CD8A: variants seen among roughly 807,000 people sequenced by gnomAD.
The protein encoded by CD8A is CD8 subunit alpha, also known as T-cell surface glycoprotein CD8 alpha chain.
A neutral mutation model predicts 24.2 loss-of-function variants in CD8A; 25 were observed. The observed-to-expected ratio is 1.03, with a 90% CI of 0.75 to 1.44. CD8A has a LOEUF of 1.44. Ranked by LOEUF, CD8A falls within the 40% of genes most tolerant of loss-of-function variation. CD8A has a pLI of 0.00. For missense variants in CD8A, 360 were observed against 319.7 expected, an observed-to-expected ratio of 1.13 and a Z score of -0.96; for synonymous variants, 165 against 149.9, an observed-to-expected ratio of 1.10 and a Z score of -0.74.
chr2:86,793,474 T>C (rs905978213), upstream of CD8A, among the ~76,000 whole-genome samples: 2 of 152,154 alleles, frequency 1.3e-5, no homozygotes, highest in Non-Finnish European at 2.9e-5. Context: ...CACAGTGCTG[T>C]CCCTCAACTC....
intron 3 of CD8A, among the ~76,000 whole-genome samples, chr2:86,801,227 T>C (rs755970021): frequency 2.6e-5 from 4 of 152,204 alleles, no homozygotes; most frequent in Non-Finnish European, 5.9e-5. Context: ...CAGCAACTAA[T>C]AGATCATTAA....
Position 86,788,490 on chromosome 2 carries a change from G to A in CD8A, c.656+40C>T, listed in dbSNP as rs751482328. On this transcript the variant is annotated intron_variant, in intron 5 of 5. Transcript: ENST00000283635. ...GGGGAAACCAGGACCCCACCCCAGG[G>A]CTGGCCAAGGTGAGCAGGCTGAGTT... is the stretch of plus-strand genomic sequence containing the variant. 1.9e-6 allele frequency: 3 copies of A among 1,549,428 alleles called. No individual in the cohort carries two copies. The Admixed American group carries it at 5.3e-5, about 27-fold the overall frequency.
chr2:86,794,536 G>A (rs34546581), upstream of CD8A, among the ~76,000 whole-genome samples: 29,436 of 152,052 alleles, frequency 0.19, 3,113 homozygotes, highest in Non-Finnish European at 0.25. Flanking sequence ...TATCTTAATT[G>A]GAAATACCAA....
At chr2:86,806,915 T>G (rs535321718) in intron 2 of CD8A, among the ~76,000 whole-genome samples, 16 of 152,216 alleles carry the variant, frequency 1.1e-4, no homozygotes, top group African/African-American at 3.6e-4. Context: ...GTTTCTATTT[T>G]GGGTAAATCG....
intron 2 of CD8A, among the ~76,000 whole-genome samples, chr2:86,804,198 T>C (rs79982904): frequency 6.6e-6 from 1 of 152,322 alleles, no homozygotes; most frequent in East Asian, 1.9e-4. Flanking sequence ...ATAAAATTTA[T>C]TTAAACAAAC....
chr2:86,801,137 G>C lies in CD8A; in HGVS notation c.-271+374C>G, dbSNP rs1023358580. On this transcript the variant is annotated intron_variant, in intron 3 of 8. Transcript: ENST00000409511. ...CTTGATCCTGAACTTCTAGCTTCTAGAACTGTGAGGCAATAAATTTCTTTT... is the reference window on the plus strand; with the variant it reads ...CTTGATCCTGAACTTCTAGCTTCTACAACTGTGAGGCAATAAATTTCTTTT... 3.9e-5 allele frequency among the ~76,000 whole-genome samples: 6 copies of C among 152,282 alleles called. 1 individual carries two copies. In the South Asian group the frequency reaches 1.2e-3, roughly 32 times the overall value.
chr2:86,801,801 C>T (rs532167420), intron 2 of CD8A: 5 of 152,214 alleles, frequency 3.3e-5, no homozygotes, highest in East Asian at 3.9e-4. Context: ...TGAACTCTGT[C>T]TCATTCTAGC....
rs767588750 is a variant in CD8A at position 86,789,308 on chromosome 2, T to C, written c.625+15A>G. 2.0e-6 allele frequency: 3 copies of C among 1,534,514 alleles called. No individual in the cohort carries two copies. Among genetic ancestry groups the C allele is most frequent in the Non-Finnish European group, 2.7e-6 (3 of 1,107,098 alleles). The stretch of plus-strand genomic sequence containing the variant: ...CGGGGCCGACTCCTTCCCGCCGCGA[T>C]TCCTCGGGACTTACTGTGGTTGCAG... On this transcript the variant is annotated intron_variant, in intron 4 of 5. Coordinates refer to ENST00000283635, the MANE Select transcript of CD8A (RefSeq NM_001768.7).
At position 86,785,369 on chromosome 2, in the gene CD8A, A is replaced by T; in HGVS notation, c.*551T>A. ...ATTACCTCCTCGAGGCTCTGGGCAC[A>T]GTATCCCAGGTATCAAGAAGTACTT... On this transcript the variant is annotated 3_prime_UTR_variant, in exon 6 of 6. Coordinates refer to ENST00000283635, the MANE Select transcript of CD8A (RefSeq NM_001768.7). 2.2e-6 allele frequency: 1 copy of T among 454,252 alleles called. No homozygotes were observed. Among genetic ancestry groups the T allele is most frequent in the Non-Finnish European group, 4.4e-6 (1 of 226,910 alleles). The allele number at this position is 454,252 out of a possible 1,614,324, so 28.1% of individuals were successfully genotyped here.
chr2:86,796,723 G>A (rs1673496308), intron 3 of CD8A, among the ~76,000 whole-genome samples: 3 of 152,140 alleles, frequency 2.0e-5, no homozygotes, highest in East Asian at 1.9e-4. Flanking sequence ...TGTCTTATCT[G>A]AGTTCCTTTC....
chr2:86,788,245 G>GTTTTT (rs10663115), intron 5 of CD8A, among the ~76,000 whole-genome samples: 2 of 127,104 alleles, frequency 1.6e-5, no homozygotes, highest in East Asian at 2.3e-4. Context: ...AATCCCTCAG[G>GTTTTT]TTTTTTTTTT....
intron 3 of CD8A, among the ~76,000 whole-genome samples, chr2:86,799,936 A>T (rs1673611165): frequency 1.4e-5 from 2 of 144,676 alleles, no homozygotes; most frequent in African/African-American, 5.1e-5. Flanking sequence ...AGGAATCAGA[A>T]TTCTTTTTTT....
At chr2:86,788,616 A>G in intron 4 of CD8A, 56 bp from the exon 5 acceptor site, 1 of 1,495,030 alleles carries the variant, frequency 6.7e-7, no homozygotes, top group Non-Finnish European at 9.3e-7. Flanking sequence ...AATAGTCCCC[A>G]AAGACAGTGT....
rs1223324540 is a variant in CD8A, at chr2:86,785,162, G to A, written c.*758C>T. The A allele has an allele frequency of 2.6e-5, 12 of 453,814 alleles. No homozygotes were observed. In the East Asian group the frequency reaches 2.8e-4, roughly 11 times the overall value. The allele number at this position is 453,814 out of a possible 1,614,324, so 28.1% of individuals were successfully genotyped here. ...ATGCAAGGGCTGGGAGAGCAATTCC[G>A]CCTCCACATAGGGGTTTCACAGAGA... On this transcript the variant is annotated 3_prime_UTR_variant, in exon 6 of 6. Coordinates refer to ENST00000283635, the MANE Select transcript of CD8A (RefSeq NM_001768.7).
rs778430867 is a variant in CD8A, at chr2:86,785,482, T to C, written c.*438A>G. On this transcript the variant is annotated 3_prime_UTR_variant, in exon 6 of 6. Transcript: ENST00000283635. ...CTGAATGGTGTGGAGGAAAGAGCCC[T>C]GAGCTGGGAGACAAGGTCCCTCCAG... 21 of 458,024 alleles carry C rather than the reference T, an allele frequency of 4.6e-5. No individual in the cohort carries two copies. Among genetic ancestry groups the C allele is most frequent in the Non-Finnish European group, 8.3e-5 (19 of 229,702 alleles). The allele number at this position is 458,024 out of a possible 1,614,324, so 28.4% of individuals were successfully genotyped here.
chr2:86,798,356 G>A (rs920947781), intron 3 of CD8A, among the ~76,000 whole-genome samples: 1 of 151,316 alleles, frequency 6.6e-6, no homozygotes, highest in Non-Finnish European at 1.5e-5. Flanking sequence ...TGTATTTTTA[G>A]TAGAGACAGG....
At chr2:86,795,208 T>G (rs1280955918), upstream of CD8A, among the ~76,000 whole-genome samples, 2 of 152,202 alleles carry the variant, frequency 1.3e-5, no homozygotes, top group Non-Finnish European at 2.9e-5. Context: ...TGGCACACAC[T>G]TGAGTGGCAC....
At chr2:86,798,530 T>G (rs1673557300) in intron 3 of CD8A, among the ~76,000 whole-genome samples, 1 of 148,538 alleles carries the variant, frequency 6.7e-6, no homozygotes, top group African/African-American at 2.5e-5. Flanking sequence ...TCCTTTTTCT[T>G]TTTTTTTTTT....
upstream of CD8A, among the ~76,000 whole-genome samples, chr2:86,792,070 G>A (rs768588466): frequency 6.6e-6 from 1 of 152,052 alleles, no homozygotes; most frequent in Admixed American, 6.5e-5. Context: ...CTGGAGTCTC[G>A]CTGTTTTGCT....
Sources: gnomAD v4.1 joint callset for allele counts (sites outside exome capture counted in the v4.1 genomes callset) on GRCh38, gnomAD v4.1.1 for gene constraint, MANE v1.5 for transcripts, NCBI Gene and HGNC (gene_info 2026-07-23, HGNC 2026-07-21) for gene names.